Variants in DENND2B observed in about 807,000 individuals in gnomAD.
DENND2B encodes the protein DENN domain containing 2B.
DENND2B carries 32 observed loss-of-function variants against 116.0 expected under a neutral mutation model. That is an observed-to-expected ratio of 0.28 (90% CI 0.21 to 0.37). The LOEUF (loss-of-function observed/expected upper bound fraction) is 0.37. Among genes scored for constraint, DENND2B ranks in the 10% least tolerant of loss-of-function variants. The pLI, the probability that DENND2B is intolerant of heterozygous loss-of-function variation, is 1.00. For missense variants in DENND2B, 1,276 were observed against 1,477.7 expected (o/e 0.86, Z 2.24); for synonymous variants, 588 against 583.9 (o/e 1.01, Z -0.10).
chr11:8,839,399 A>G (rs985564279), intron 3 of DENND2B: 6 of 152,142 alleles, frequency 3.9e-5, no homozygotes, highest in Middle Eastern at 3.2e-3. Flanking sequence ...ATTCACTTAC[A>G]CTTTCCAATA....
intron 1 of DENND2B, chr11:8,895,462 A>G (rs1186961307): frequency 1.3e-5 from 2 of 152,232 alleles, no homozygotes; most frequent in Non-Finnish European, 2.9e-5. Flanking sequence ...ACTTTACGAC[A>G]TTATACTAAA....
At chr11:8,797,849 C>G (rs180849700) in intron 1 of DENND2B, among the ~76,000 whole-genome samples, 1 of 152,278 alleles carries the variant, frequency 6.6e-6, no homozygotes, top group African/African-American at 2.4e-5. Flanking sequence ...CCATCCTCCA[C>G]CCCGACACCC....
chr11:8,779,515 T>C (rs2058134367), intron 1 of DENND2B, among the ~76,000 whole-genome samples: 1 of 24,994 alleles, frequency 4.0e-5, no homozygotes, highest in Non-Finnish European at 1.2e-4. Context: ...TCTTTCTTTC[T>C]TTTTTTTTTT....
intron 2 of DENND2B, among the ~76,000 whole-genome samples, chr11:8,743,070 A>G (rs2050513856): frequency 6.6e-6 from 1 of 151,396 alleles, no homozygotes; most frequent in Admixed American, 6.6e-5. Flanking sequence ...ATCTCAGAAA[A>G]AGAAAAGAAG....
intron 3 of DENND2B, among the ~76,000 whole-genome samples, chr11:8,849,913 T>A (rs1198327974): frequency 6.7e-6 from 1 of 150,210 alleles, no homozygotes; most frequent in Admixed American, 6.6e-5. Context: ...GGCAGGTGGA[T>A]CACTTGAGCC....
chr11:8,735,963 A>G (rs2048951173), intron 2 of DENND2B, among the ~76,000 whole-genome samples: 1 of 152,214 alleles, frequency 6.6e-6, no homozygotes, highest in Non-Finnish European at 1.5e-5. Context: ...TCGGAGGGAA[A>G]GTAAGATCAT....
intron 17 of DENND2B, 40 bp downstream of exon 17, chr11:8,697,485 G>C: frequency 6.6e-7 from 1 of 1,518,480 alleles, no homozygotes; most frequent in Non-Finnish European, 9.1e-7. Context: ...AGCAGAGGGA[G>C]CCTGGAGCAG....
At chr11:8,765,133 C>G (rs912962518) in intron 1 of DENND2B, among the ~76,000 whole-genome samples, 1 of 152,068 alleles carries the variant, frequency 6.6e-6, no homozygotes, top group Non-Finnish European at 1.5e-5. Flanking sequence ...AAGGGGCTCA[C>G]ACACACAGAC....
intron 3 of DENND2B, among the ~76,000 whole-genome samples, chr11:8,853,966 A>C (rs1375412396): frequency 2.1e-5 from 3 of 143,798 alleles, no homozygotes; most frequent in Non-Finnish European, 3.0e-5. Flanking sequence ...CTCCCCCCTC[A>C]GCCTCCTAAA....
chr11:8,729,879 T>G, intron 3 of DENND2B, 71 bp downstream of exon 3: 1 of 1,547,474 alleles, frequency 6.5e-7, no homozygotes, highest in East Asian at 2.3e-5. Flanking sequence ...TCCTACAATC[T>G]GTGTTTGCAC....
intron 1 of DENND2B, among the ~76,000 whole-genome samples, chr11:8,796,598 T>A (rs2059836953): frequency 6.6e-6 from 1 of 152,156 alleles, no homozygotes; most frequent in East Asian, 1.9e-4. Flanking sequence ...AGAAGTGAAA[T>A]TTGTGGCCTG....
chr11:8,817,895 T>A (rs1358528066), intron 4 of DENND2B, among the ~76,000 whole-genome samples: 4 of 151,886 alleles, frequency 2.6e-5, no homozygotes, highest in African/African-American at 7.3e-5. Context: ...AAACATAGGC[T>A]TCCAGCCAGG....
At chr11:8,722,087 G>C (rs969623708) in intron 4 of DENND2B, among the ~76,000 whole-genome samples, 5 of 152,244 alleles carry the variant, frequency 3.3e-5, no homozygotes, top group Non-Finnish European at 7.3e-5. Flanking sequence ...GCGGGAAATA[G>C]CAGCCCTGGA....
intron 2 of DENND2B, among the ~76,000 whole-genome samples, chr11:8,877,936 C>T (rs2063862070): frequency 6.6e-6 from 1 of 152,104 alleles, no homozygotes; most frequent in South Asian, 2.1e-4. Context: ...TAAACAACTA[C>T]TCAAAAATAA....
At chr11:8,717,914 A>G (rs2045242039) in intron 4 of DENND2B, 22 bp from the exon 5 acceptor site, 17 of 1,598,188 alleles carry the variant, frequency 1.1e-5, no homozygotes, top group Non-Finnish European at 1.3e-5. Flanking sequence ...GAAGAGTTAG[A>G]GAAGGGGGAG....
intron 1 of DENND2B, among the ~76,000 whole-genome samples, chr11:8,897,416 G>C (rs2064116833): frequency 6.6e-6 from 1 of 152,166 alleles, no homozygotes; most frequent in Non-Finnish European, 1.5e-5. Context: ...CTCCAACATA[G>C]TAGTTCTATC....
At chr11:8,813,673 C>A (rs1207956530), upstream of DENND2B, among the ~76,000 whole-genome samples, 1 of 152,202 alleles carries the variant, frequency 6.6e-6, no homozygotes, top group African/African-American at 2.4e-5. Context: ...GGGGTCAGGA[C>A]TGAGTACTAG....
intron 3 of DENND2B, among the ~76,000 whole-genome samples, chr11:8,846,863 T>C (rs993763541): frequency 5.9e-5 from 9 of 152,234 alleles, no homozygotes; most frequent in African/African-American, 9.6e-5. Flanking sequence ...CTGTAGGTGT[T>C]TGATGCCTCT....
chr11:8,714,923 C>G (rs1364770736), intron 6 of DENND2B, among the ~76,000 whole-genome samples: 2 of 152,142 alleles, frequency 1.3e-5, no homozygotes, highest in Non-Finnish European at 2.9e-5. Flanking sequence ...CAGGAGTGGT[C>G]TCCTGCCCCA....
Sources: gnomAD v4.1 joint callset for allele counts (sites outside exome capture counted in the v4.1 genomes callset) on GRCh38, gnomAD v4.1.1 for gene constraint, MANE v1.5 for transcripts, NCBI Gene and HGNC (gene_info 2026-07-23, HGNC 2026-07-21) for gene names.